The following C14orf93 variants were observed in gnomAD, a reference collection of about 807,000 sequenced individuals.
C14orf93 encodes the protein chromosome 14 open reading frame 93, also known as uncharacterized protein C14orf93.
C14orf93 carries 23 observed loss-of-function variants against 44.0 expected under a neutral mutation model. That is an observed-to-expected ratio of 0.52 (90% CI 0.38 to 0.74). C14orf93 has a LOEUF of 0.74. Among genes scored for constraint, C14orf93 ranks in the 30% least tolerant of loss-of-function variants. The probability of loss-of-function intolerance (pLI) is 0.00; values close to 1 mark genes in which losing one functional copy is unlikely to be tolerated. For synonymous variants in C14orf93, 253 were observed against 265.7 expected (o/e 0.95, Z 0.46); for missense variants, 579 against 678.9 (o/e 0.85, Z 1.64).
intron 3 of C14orf93, among the ~76,000 whole-genome samples, chr14:22,992,063 C>A (rs2045673243): frequency 6.6e-6 from 1 of 152,210 alleles, no homozygotes. Flanking sequence ...ACCCAATCTC[C>A]CTTTCACATC....
rs2046128397 is a variant in C14orf93 at position 22,998,562 on chromosome 14, C to T, written c.462G>A (p.Val154=). ...ECDSVGSGVQ[V]VIEELRQLGA... is the part of the protein sequence containing the mutation. ...CCAGCTGCCGCAGCTCCTCAATCAC[C>T]ACCTGCACGCCGCTGCCCACGCTGT... is the stretch of plus-strand genomic sequence containing the variant. Residue 154 remains valine (V), a synonymous_variant, in exon 2 of 7, where the codon GTG becomes GTA. Transcript: ENST00000299088. 5 of 1,613,914 alleles carry T rather than the reference C, an allele frequency of 3.1e-6. No homozygotes were observed. The highest frequency in any genetic ancestry group is 1.3e-5 in the African/African-American group (1 of 74,890).
intron 5 of C14orf93, among the ~76,000 whole-genome samples, chr14:22,989,121 C>T (rs761747918): frequency 9.9e-5 from 15 of 152,124 alleles, no homozygotes; most frequent in Non-Finnish European, 1.2e-4. Flanking sequence ...GCTGGGACTA[C>T]GTCATGCATG....
At chr14:23,007,527 A>G (rs376958793) in intron 1 of C14orf93, among the ~76,000 whole-genome samples, 1 of 152,156 alleles carries the variant, frequency 6.6e-6, no homozygotes. Flanking sequence ...AGCTCCTCAC[A>G]GTTCAAAGAA....
chr14:23,001,342 C>T lies in C14orf93; in HGVS notation c.-379-1940G>A, dbSNP rs527624941. ...AAGATGCATCCGGCTGGGACACTGGCTGAGTTGTCTAACTCCTTTCTGGTA... is the reference window on the plus strand; with the variant it reads ...AAGATGCATCCGGCTGGGACACTGGTTGAGTTGTCTAACTCCTTTCTGGTA... On this transcript the variant is annotated intron_variant, in intron 1 of 6. Transcript: ENST00000299088. Among the ~76,000 whole-genome samples, 6 of 152,372 alleles carry T rather than the reference C, an allele frequency of 3.9e-5. No individual in the cohort carries two copies. In the South Asian group the frequency reaches 1.2e-3, roughly 32 times the overall value.
chr14:23,009,480 GAAAC>G (rs1426932641), intron 1 of C14orf93, among the ~76,000 whole-genome samples: 1 of 148,838 alleles, frequency 6.7e-6, no homozygotes, highest in Non-Finnish European at 1.5e-5. Flanking sequence ...TTTGTTTCAA[GAAAC>G]ACACACACAC....
Position 22,999,000 on chromosome 14 carries a change from G to A in C14orf93, c.24C>T (p.Leu8=), listed in dbSNP as rs1485776431. 6.2e-7 allele frequency: 1 copy of A among 1,611,876 alleles called. No homozygotes were observed. The highest frequency in any genetic ancestry group is 8.5e-7 in the Non-Finnish European group (1 of 1,179,692). MSFSATI[L]FSPPSGSEAR... is the part of the protein sequence containing the mutation. ...CCTCGCTGCCACTGGGAGGGGAGAA[G>A]AGAATGGTGGCACTGAAGGACATGG... Residue 8 remains leucine (L), a synonymous_variant, in exon 2 of 7, where the codon CTC becomes CTT. Transcript: ENST00000299088.
At position 22,986,231 on chromosome 14, in the gene C14orf93, T is replaced by C. The variant is rs974975239; in HGVS notation, c.*984A>G. 3 of 152,218 alleles carry C rather than the reference T, an allele frequency of 2.0e-5. No individual in the cohort carries two copies. Among genetic ancestry groups the C allele is most frequent in the African/African-American group, 7.2e-5 (3 of 41,434 alleles). 9.4% of individuals were successfully genotyped at this position (152,218 alleles called of 1,614,324 possible). A position where few individuals can be genotyped will look rare whatever the true frequency, so the allele number is the denominator to read the frequency against. ...TTCCAGACTGCAAGAGTAGGTTAGC[T>C]ACCCCTGCTGTATATTGCCATAGTG... On this transcript the variant is annotated 3_prime_UTR_variant, in exon 7 of 7. Coordinates refer to ENST00000299088, the MANE Select transcript of C14orf93 (RefSeq NM_021944.4).
In C14orf93 at chr14:22,986,324, TGACTA is replaced by T. The variant is rs2045225929; in HGVS notation, c.*886_*890del. ...TTGCCTACTCCACTGCCTGGCTTCCTGACTAAACTAAAAAAATCTCTGAACAGCAT... is the reference window on the plus strand; with the variant it reads ...TTGCCTACTCCACTGCCTGGCTTCCTAACTAAAAAAATCTCTGAACAGCAT... On this transcript the variant is annotated 3_prime_UTR_variant, in exon 7 of 7. Transcript: ENST00000299088. 6.6e-6 allele frequency: 1 copy of T among 152,344 alleles called. No individual in the cohort carries two copies. The highest frequency in any genetic ancestry group is 2.4e-5 in the African/African-American group (1 of 41,462). 9.4% of individuals were successfully genotyped at this position (152,344 alleles called of 1,614,324 possible). A position where few individuals can be genotyped will look rare whatever the true frequency, so the allele number is the denominator to read the frequency against.
At position 22,989,853 on chromosome 14, in the gene C14orf93, A is replaced by G. The variant is rs372301523; in HGVS notation, c.981-8T>C. Reference sequence around the variant, plus strand: ...TTCCAAGAGGACTTGATGCTGCCACAAAGAGAAGAGAATGAATAAAGTTGT... The same window carrying G: ...TTCCAAGAGGACTTGATGCTGCCACGAAGAGAAGAGAATGAATAAAGTTGT... On this transcript the variant is annotated splice_region_variant and splice_polypyrimidine_tract_variant and intron_variant, in intron 4 of 6. Transcript: ENST00000299088. The G allele has an allele frequency of 3.6e-5, 58 of 1,609,654 alleles. No homozygotes were observed. The highest frequency in any genetic ancestry group is 4.8e-5 in the Non-Finnish European group (56 of 1,175,980).
At chr14:23,002,210 GGA>G (rs1479492446) in intron 1 of C14orf93, among the ~76,000 whole-genome samples, 1 of 151,104 alleles carries the variant, frequency 6.6e-6, no homozygotes, top group Non-Finnish European at 1.5e-5. Flanking sequence ...CAATACTTTC[GGA>G]GGCTGAGGTG....
intron 3 of C14orf93, among the ~76,000 whole-genome samples, chr14:22,991,458 T>G (rs2045623871): frequency 6.7e-6 from 1 of 149,172 alleles, no homozygotes; most frequent in Non-Finnish European, 1.5e-5. Flanking sequence ...TTGGTCAGGC[T>G]GGTCTCGAAC....
rs764732277 is a variant in C14orf93 at position 22,999,074 on chromosome 14, G to A, written c.-51C>T. The A allele has an allele frequency of 6.5e-7, 1 of 1,540,242 alleles. No homozygotes were observed. Among genetic ancestry groups the A allele is most frequent in the South Asian group, 1.2e-5 (1 of 81,040 alleles). On this transcript the variant is annotated 5_prime_UTR_variant, in exon 2 of 7. Coordinates refer to ENST00000299088, the MANE Select transcript of C14orf93 (RefSeq NM_021944.4). ...CTTACACTGCTGGGCCGCTCCAACA[G>A]GTAGGAAGCATCAACTTCTCTGGAC...
chr14:23,001,837 G>GT (rs1205048937), intron 1 of C14orf93, among the ~76,000 whole-genome samples: 1 of 91,286 alleles, frequency 1.1e-5, no homozygotes, highest in Non-Finnish European at 1.9e-5. Flanking sequence ...TGTACTGCAG[G>GT]TTAAAAAAAA....
At chr14:22,989,891 A>G (rs1265045604) in intron 4 of C14orf93, 46 bp from the exon 5 acceptor site, 2 of 1,556,650 alleles carry the variant, frequency 1.3e-6, no homozygotes, top group Non-Finnish European at 1.8e-6. Flanking sequence ...GCTTTGTAAG[A>G]GCCAGACAAA....
In C14orf93 at chr14:22,998,783, C is replaced by G; in HGVS notation, c.241G>C (p.Gly81Arg). The change falls in exon 2 of 7, where the codon GGT becomes CGT. Residue 81 changes from glycine to arginine, a missense_variant. Coordinates refer to ENST00000299088, the MANE Select transcript of C14orf93 (RefSeq NM_021944.4). ...KAVGLAEAAL[G>R]LARANNELLK... Reference sequence around the variant, plus strand: ...AACTCATTGTTGGCCCTGGCAAGACCCAGAGCAGCTTCAGCCAAACCCACT... The same window carrying G: ...AACTCATTGTTGGCCCTGGCAAGACGCAGAGCAGCTTCAGCCAAACCCACT... The G allele has an allele frequency of 6.2e-7, 1 of 1,614,188 alleles. No individual in the cohort carries two copies. Among genetic ancestry groups the G allele is most frequent in the Non-Finnish European group, 8.5e-7 (1 of 1,180,044 alleles).
At chr14:23,009,091 C>T (rs2046767868) in intron 1 of C14orf93, among the ~76,000 whole-genome samples, 1 of 152,214 alleles carries the variant, frequency 6.6e-6, no homozygotes, top group South Asian at 2.1e-4. Flanking sequence ...AGCAAAACCA[C>T]TTAGGCAAAA....
At chr14:23,002,052 G>C (rs564057682) in intron 1 of C14orf93, among the ~76,000 whole-genome samples, 3 of 151,306 alleles carry the variant, frequency 2.0e-5, no homozygotes, top group Non-Finnish European at 1.5e-5. Flanking sequence ...TGGAGGCTGA[G>C]GCAGGAGAAT....
At chr14:23,009,721 G>C (rs117300051) in intron 1 of C14orf93, among the ~76,000 whole-genome samples, 2 of 152,068 alleles carry the variant, frequency 1.3e-5, no homozygotes, top group Admixed American at 1.3e-4. Context: ...TGCTTCCTTC[G>C]ATGTTGCCTG....
At chr14:23,004,904 G>GTTTTGT (rs1825894900) in intron 1 of C14orf93, among the ~76,000 whole-genome samples, 1 of 152,204 alleles carries the variant, frequency 6.6e-6, no homozygotes, top group African/African-American at 2.4e-5. Context: ...GGCAACAAGA[G>GTTTTGT]TGAAACTCCG....
Sources: allele counts gnomAD v4.1 joint callset (sites outside exome capture counted in the v4.1 genomes callset), GRCh38; gene constraint gnomAD v4.1.1; transcripts MANE v1.5; gene names NCBI Gene and HGNC (gene_info 2026-07-23, HGNC 2026-07-21).